GMDS: variants seen among roughly 807,000 people sequenced by gnomAD.
The protein encoded by GMDS is GDP-mannose 4,6 dehydratase.
A neutral mutation model predicts 49.9 loss-of-function variants in GMDS; 20 were observed. The observed-to-expected ratio is 0.40, with a 90% CI of 0.28 to 0.58. The LOEUF (loss-of-function observed/expected upper bound fraction) is 0.58. GMDS is among the 20% of genes least tolerant of loss of function. The pLI, the probability that GMDS is intolerant of heterozygous loss-of-function variation, is 0.42. For missense variants in GMDS, 362 were observed against 481.4 expected (o/e 0.75, Z 2.32); for synonymous variants, 177 against 178.6 (o/e 0.99, Z 0.07).
intron 4 of GMDS, among the ~76,000 whole-genome samples, chr6:2,000,467 T>A (rs1399369223): frequency 6.6e-6 from 1 of 152,008 alleles, no homozygotes; most frequent in East Asian, 1.9e-4. Context: ...CCCTCCCCAA[T>A]CCCTAAAACC....
At chr6:2,033,580 T>C (rs1769100827) in intron 4 of GMDS, among the ~76,000 whole-genome samples, 2 of 152,214 alleles carry the variant, frequency 1.3e-5, no homozygotes, top group African/African-American at 4.8e-5. Flanking sequence ...TAAGAATAAA[T>C]TTATTTCTTA....
chr6:1,657,579 AC>A (rs1414723808), intron 9 of GMDS, among the ~76,000 whole-genome samples: 1 of 152,204 alleles, frequency 6.6e-6, no homozygotes, highest in African/African-American at 2.4e-5. Context: ...TTAAAGACAG[AC>A]ATAGGCATTT....
intron 4 of GMDS, among the ~76,000 whole-genome samples, chr6:2,065,109 C>T (rs1248781192): frequency 2.0e-5 from 3 of 152,122 alleles, no homozygotes; most frequent in African/African-American, 7.2e-5. Context: ...AAGTGGATCC[C>T]TGACCCCTGA....
intron 1 of GMDS, among the ~76,000 whole-genome samples, chr6:2,204,537 A>C (rs951308699): frequency 2.0e-5 from 3 of 152,246 alleles, no homozygotes; most frequent in Non-Finnish European, 4.4e-5. Context: ...TCAATACAGT[A>C]GCTACTAACC....
chr6:2,163,173 A>G (rs1364561298), intron 1 of GMDS, among the ~76,000 whole-genome samples: 1 of 152,184 alleles, frequency 6.6e-6, no homozygotes, highest in Non-Finnish European at 1.5e-5. Context: ...TGACAATAAT[A>G]AACTGTCCTA....
chr6:1,783,537 T>C (rs940323967), intron 7 of GMDS, among the ~76,000 whole-genome samples: 5 of 152,232 alleles, frequency 3.3e-5, no homozygotes, highest in African/African-American at 4.8e-5. Flanking sequence ...AGGAGCACGA[T>C]TCTCTTATTG....
Position 1,786,312 on chromosome 6 carries a change from C to A in GMDS, c.772-43726G>T, listed in dbSNP as rs559551845. Among the ~76,000 whole-genome samples the A allele has an allele frequency of 5.9e-5, 9 of 152,336 alleles. No homozygotes were observed. In the East Asian group the frequency reaches 1.7e-3, roughly 29 times the overall value. On this transcript the variant is annotated intron_variant, in intron 7 of 10. Transcript: ENST00000380815. ...AATGCAATGCCTCAGTAAAAAGCAT[C>A]CAGGAGGTCTAGAGCCTCGGCTGAG... is the stretch of plus-strand genomic sequence containing the variant.
intron 7 of GMDS, among the ~76,000 whole-genome samples, chr6:1,822,239 T>C (rs527388570): frequency 2.4e-4 from 36 of 152,348 alleles, no homozygotes; most frequent in African/African-American, 8.7e-4. Flanking sequence ...ATCAACATTA[T>C]AAAATTACTT....
chr6:1,659,944 A>G (rs1447455415), intron 9 of GMDS, among the ~76,000 whole-genome samples: 1 of 152,062 alleles, frequency 6.6e-6, no homozygotes, highest in Non-Finnish European at 1.5e-5. Context: ...AGAAAAAGGA[A>G]GTCCTTTTTA....
At chr6:1,980,269 A>C (rs1026892990) in intron 4 of GMDS, among the ~76,000 whole-genome samples, 1 of 152,126 alleles carries the variant, frequency 6.6e-6, no homozygotes, top group Non-Finnish European at 1.5e-5. Context: ...AAAAAACAAG[A>C]CCCATTGGTA....
intron 7 of GMDS, among the ~76,000 whole-genome samples, chr6:1,922,557 G>A (rs1265624710): frequency 2.0e-5 from 3 of 152,090 alleles, no homozygotes; most frequent in African/African-American, 4.8e-5. Flanking sequence ...TGGTTCCTTC[G>A]GAATAATGCC....
intron 1 of GMDS, among the ~76,000 whole-genome samples, chr6:2,143,887 A>G (rs1459373181): frequency 6.6e-6 from 1 of 152,206 alleles, no homozygotes; most frequent in Non-Finnish European, 1.5e-5. Context: ...CTTGGCTCCA[A>G]TTCTTCCCTC....
At chr6:1,691,869 T>C (rs1308270036) in intron 9 of GMDS, among the ~76,000 whole-genome samples, 1 of 152,122 alleles carries the variant, frequency 6.6e-6, no homozygotes, top group East Asian at 1.9e-4. Flanking sequence ...GTTTCTTTTG[T>C]TGGGATTTGT....
chr6:2,135,218 AAAT>A (rs1167039021), intron 1 of GMDS, among the ~76,000 whole-genome samples: 10 of 152,230 alleles, frequency 6.6e-5, no homozygotes, highest in African/African-American at 2.2e-4. Flanking sequence ...GTTTAGCACA[AAAT>A]AATATTTCAA....
chr6:2,208,278 T>G (rs1779897453), intron 1 of GMDS, among the ~76,000 whole-genome samples: 1 of 152,198 alleles, frequency 6.6e-6, no homozygotes, highest in Non-Finnish European at 1.5e-5. Flanking sequence ...TAGAAAAGAT[T>G]TATCCATCAT....
intron 4 of GMDS, among the ~76,000 whole-genome samples, chr6:2,087,947 G>C (rs1773105990): frequency 6.6e-6 from 1 of 152,094 alleles, no homozygotes; most frequent in South Asian, 2.1e-4. Flanking sequence ...TGCCAAGTAG[G>C]ATCTTTGTTT....
At chr6:2,159,500 A>G (rs1348558020) in intron 1 of GMDS, among the ~76,000 whole-genome samples, 2 of 147,942 alleles carry the variant, frequency 1.4e-5, no homozygotes, top group Admixed American at 6.7e-5. Flanking sequence ...AATTTTTTCA[A>G]TATTTCTTTT....
chr6:1,760,208 C>CAA (rs749951721), intron 7 of GMDS, among the ~76,000 whole-genome samples: 1 of 152,166 alleles, frequency 6.6e-6, no homozygotes, highest in Non-Finnish European at 1.5e-5. Context: ...AGGCTCCTTA[C>CAA]AAAAAATCCC....
intron 1 of GMDS, among the ~76,000 whole-genome samples, chr6:2,203,584 T>TA (rs1491433659): frequency 6.8e-6 from 1 of 148,104 alleles, no homozygotes; most frequent in East Asian, 1.9e-4. Context: ...ATTTTTTTTT[T>TA]ATGTGTCCAG....
Sources: allele counts gnomAD v4.1 joint callset (sites outside exome capture counted in the v4.1 genomes callset), GRCh38; gene constraint gnomAD v4.1.1; transcripts MANE v1.5; gene names NCBI Gene and HGNC (gene_info 2026-07-23, HGNC 2026-07-21).